STPG2: variants seen among roughly 807,000 people sequenced by gnomAD.
STPG2 encodes sperm-tail PG-rich repeat-containing protein 2.
In STPG2, 56 loss-of-function variants were observed where a neutral mutation model predicts 54.2. The ratio of observed to expected loss-of-function variants is 1.03; its 90% CI spans 0.83 to 1.29. The LOEUF (loss-of-function observed/expected upper bound fraction) is 1.29. Among genes scored for constraint, STPG2 ranks in the 50% most tolerant of loss-of-function variants. The pLI is 0.00. For missense variants in STPG2, 596 were observed against 544.9 expected, an observed-to-expected ratio of 1.09 and a Z score of -0.93; for synonymous variants, 200 against 181.8, an observed-to-expected ratio of 1.10 and a Z score of -0.81.
At chr4:98,021,724 AG>A (rs1736204984) in intron 5 of STPG2, among the ~76,000 whole-genome samples, 1 of 151,970 alleles carries the variant, frequency 6.6e-6, no homozygotes, top group Non-Finnish European at 1.5e-5. Context: ...ATATATATTT[AG>A]GATAGTTAGC....
At chr4:97,455,977 T>G (rs1729506946) in intron 4 of STPG2, among the ~76,000 whole-genome samples, 2 of 152,206 alleles carry the variant, frequency 1.3e-5, no homozygotes, top group South Asian at 4.1e-4. Flanking sequence ...AGGGAATGTT[T>G]CCCGTGTCAA....
At chr4:97,615,070 C>A (rs1733824093) in intron 10 of STPG2, among the ~76,000 whole-genome samples, 1 of 152,232 alleles carries the variant, frequency 6.6e-6, no homozygotes, top group East Asian at 1.9e-4. Flanking sequence ...GGGGCACTGT[C>A]CCCATTAACC....
chr4:97,562,176 C>A (rs1188459088), intron 10 of STPG2, among the ~76,000 whole-genome samples: 3 of 152,072 alleles, frequency 2.0e-5, no homozygotes, highest in Non-Finnish European at 4.4e-5. Context: ...AAGGTGGATT[C>A]CTAGGTATTT....
chr4:97,970,439 G>A (rs1470657129), intron 7 of STPG2, among the ~76,000 whole-genome samples: 1 of 152,098 alleles, frequency 6.6e-6, no homozygotes, highest in African/African-American at 2.4e-5. Context: ...CCAAAACAGT[G>A]TGCTACTGGT....
At chr4:97,988,860 C>T (rs576547209) in intron 5 of STPG2, among the ~76,000 whole-genome samples, 3 of 152,294 alleles carry the variant, frequency 2.0e-5, no homozygotes, top group East Asian at 3.9e-4. Context: ...GCGATCTGCC[C>T]GCCTTGGCCT....
intron 10 of STPG2, among the ~76,000 whole-genome samples, chr4:97,579,597 T>G (rs1040342573): frequency 7.9e-5 from 12 of 152,002 alleles, no homozygotes; most frequent in African/African-American, 2.4e-4. Flanking sequence ...CTCTGGCCCT[T>G]CATCTTCTAA....
intron 10 of STPG2, among the ~76,000 whole-genome samples, chr4:97,679,986 A>G (rs1415294551): frequency 1.3e-5 from 2 of 151,984 alleles, no homozygotes; most frequent in African/African-American, 4.8e-5. Flanking sequence ...ATTGATTTAT[A>G]TCTCTGTTTT....
At chr4:97,613,397 T>C (rs762142991) in intron 10 of STPG2, among the ~76,000 whole-genome samples, 1 of 151,908 alleles carries the variant, frequency 6.6e-6, no homozygotes, top group Non-Finnish European at 1.5e-5. Flanking sequence ...AAAGGTGAAA[T>C]GCCCTTATTA....
At chr4:97,819,059 A>G (rs183122319) in intron 9 of STPG2, among the ~76,000 whole-genome samples, 37 of 151,044 alleles carry the variant, frequency 2.4e-4, no homozygotes, top group African/African-American at 8.5e-4. Context: ...GTTCATGTTT[A>G]ATAATAAAAT....
intron 5 of STPG2, among the ~76,000 whole-genome samples, chr4:98,051,929 A>G (rs759241921): frequency 5.1e-4 from 77 of 152,030 alleles, no homozygotes; most frequent in Admixed American, 1.1e-3. Context: ...CGCTACTAAA[A>G]ATACAAAATT....
At chr4:97,594,299 A>G (rs1733224265) in intron 10 of STPG2, among the ~76,000 whole-genome samples, 1 of 152,240 alleles carries the variant, frequency 6.6e-6, no homozygotes, top group African/African-American at 2.4e-5. Context: ...CATTTTAAGA[A>G]AGAACCAAAC....
At chr4:97,848,586 T>C (rs535885251) in intron 8 of STPG2, among the ~76,000 whole-genome samples, 4 of 152,288 alleles carry the variant, frequency 2.6e-5, no homozygotes, top group Non-Finnish European at 4.4e-5. Flanking sequence ...TCTCAAGATA[T>C]TGACTGTAGC....
intron 8 of STPG2, among the ~76,000 whole-genome samples, chr4:97,913,189 C>G (rs1485885096): frequency 6.6e-6 from 1 of 152,102 alleles, no homozygotes; most frequent in African/African-American, 2.4e-5. Context: ...AATAAGCTGT[C>G]CTGGGAAGTT....
At chr4:97,986,725 A>G (rs1734842467) in intron 5 of STPG2, among the ~76,000 whole-genome samples, 3 of 152,188 alleles carry the variant, frequency 2.0e-5, no homozygotes, top group Admixed American at 6.5e-5. Context: ...ACTTCATTTT[A>G]CCCATATGTT....
chr4:97,737,830 GC>G (rs1237691195), intron 9 of STPG2, among the ~76,000 whole-genome samples: 1 of 152,138 alleles, frequency 6.6e-6, no homozygotes, highest in Non-Finnish European at 1.5e-5. Flanking sequence ...AGCAAGGCAG[GC>G]CAACATTCAG....
At chr4:97,745,573 A>G (rs1164588971) in intron 9 of STPG2, among the ~76,000 whole-genome samples, 1 of 151,186 alleles carries the variant, frequency 6.6e-6, no homozygotes, top group Non-Finnish European at 1.5e-5. Flanking sequence ...ACCATGAAAG[A>G]GCTTTAGTAA....
intron 7 of STPG2, among the ~76,000 whole-genome samples, chr4:97,969,971 C>G (rs901258245): frequency 6.6e-6 from 1 of 152,150 alleles, no homozygotes; most frequent in Non-Finnish European, 1.5e-5. Context: ...TCTCTGGATA[C>G]AAAATCAATG....
At chr4:97,841,194 T>C (rs1434374944) in intron 8 of STPG2, among the ~76,000 whole-genome samples, 1 of 151,764 alleles carries the variant, frequency 6.6e-6, no homozygotes, top group Non-Finnish European at 1.5e-5. Context: ...GCTTTCATGA[T>C]ATAGATCAAA....
rs577168975 is a variant in STPG2, at chr4:97,944,091, G to A, written c.934-84C>T. The stretch of plus-strand genomic sequence containing the variant: ...CTATAAATAATAAGTTTGCAATGAA[G>A]TTCATCAGTATTATCTGGCATTAAA... On this transcript the variant is annotated intron_variant, in intron 7 of 10. Coordinates refer to ENST00000295268, the MANE Select transcript of STPG2 (RefSeq NM_174952.3). 4.4e-5 allele frequency: 38 copies of A among 870,552 alleles called. No individual in the cohort carries two copies. In the African/African-American group the frequency reaches 5.2e-4, roughly 12 times the overall value. The allele number at this position is 870,552 out of a possible 1,614,324, so 53.9% of individuals were successfully genotyped here.
Sources: gnomAD v4.1 joint callset for allele counts (sites outside exome capture counted in the v4.1 genomes callset) on GRCh38, gnomAD v4.1.1 for gene constraint, MANE v1.5 for transcripts, NCBI Gene and HGNC (gene_info 2026-07-23, HGNC 2026-07-21) for gene names.